Variants in PIBF1 observed in about 807,000 individuals in gnomAD.
The protein encoded by PIBF1 is progesterone immunomodulatory binding factor 1.
PIBF1 carries 90 observed loss-of-function variants against 112.5 expected under a neutral mutation model. The ratio of observed to expected loss-of-function variants is 0.80; its 90% CI spans 0.67 to 0.95. The LOEUF (loss-of-function observed/expected upper bound fraction) is 0.95, where lower values mean the gene tolerates loss of function less well. PIBF1 is among the 40% of genes least tolerant of loss of function. The pLI, the probability that PIBF1 is intolerant of heterozygous loss-of-function variation, is 0.00. For missense variants in PIBF1, 915 were observed against 852.3 expected (o/e 1.07, Z -0.92); for synonymous variants, 301 against 288.6 (o/e 1.04, Z -0.44).
chr13:72,892,456 A>T (rs998049480), intron 10 of PIBF1, among the ~76,000 whole-genome samples: 8 of 152,148 alleles, frequency 5.3e-5, no homozygotes, highest in Admixed American at 2.0e-4. Context: ...GACAGGAGTG[A>T]AATAGCCTTT....
At chr13:72,831,131 A>G (rs866293082) in intron 8 of PIBF1, among the ~76,000 whole-genome samples, 5 of 150,062 alleles carry the variant, frequency 3.3e-5, no homozygotes, top group Admixed American at 3.3e-4. Context: ...ATCATTTTTT[A>G]TTGTGTCTGT....
chr13:72,789,620 GA>G (rs763435889), intron 2 of PIBF1, among the ~76,000 whole-genome samples: 1 of 151,708 alleles, frequency 6.6e-6, no homozygotes, highest in Non-Finnish European at 1.5e-5. Flanking sequence ...GAAGTTAATT[GA>G]AATTATAAAC....
At chr13:72,923,176 C>A (rs2041358804) in intron 13 of PIBF1, among the ~76,000 whole-genome samples, 1 of 152,100 alleles carries the variant, frequency 6.6e-6, no homozygotes, top group South Asian at 2.1e-4. Flanking sequence ...ACTGAAGAAC[C>A]CAGAACAGAG....
rs1413087015 is a variant in PIBF1 at position 72,783,615 on chromosome 13, A to G, written c.146A>G (p.Gln49Arg). ...EREGKVRITR[Q>R]LIERKELLHN... ...GAGGGCAAAGTCAGAATCACCAGGC[A>G]GCTAATTGAACGAAAAGAACTACTT... The change falls in exon 2 of 18, where the codon CAG becomes CGG. Residue 49 changes from glutamine to arginine, a missense_variant. Coordinates refer to ENST00000326291, the MANE Select transcript of PIBF1 (RefSeq NM_006346.4). 1 of 1,614,110 alleles carries G rather than the reference A, an allele frequency of 6.2e-7. No homozygotes were observed. Among genetic ancestry groups the G allele is most frequent in the Non-Finnish European group, 8.5e-7 (1 of 1,179,954 alleles).
At chr13:72,940,836 T>C (rs560233868) in intron 14 of PIBF1, among the ~76,000 whole-genome samples, 7 of 152,326 alleles carry the variant, frequency 4.6e-5, no homozygotes, top group African/African-American at 1.7e-4. Flanking sequence ...CTTGCCCATG[T>C]TCACTTCAGA....
chr13:72,868,234 A>C (rs1017090605), intron 10 of PIBF1, among the ~76,000 whole-genome samples: 14 of 152,004 alleles, frequency 9.2e-5, no homozygotes, highest in African/African-American at 3.4e-4. Flanking sequence ...CTTGGACTTT[A>C]AGGCTGCACT....
At chr13:72,988,107 C>T (rs571920944) in intron 16 of PIBF1, among the ~76,000 whole-genome samples, 3 of 151,720 alleles carry the variant, frequency 2.0e-5, no homozygotes, top group South Asian at 2.1e-4. Context: ...GTGATCCACC[C>T]GCCTCTGCCT....
intron 14 of PIBF1, among the ~76,000 whole-genome samples, chr13:72,946,243 A>G (rs1471985491): frequency 6.6e-6 from 1 of 152,168 alleles, no homozygotes; most frequent in Non-Finnish European, 1.5e-5. Context: ...ACTGCCAAGC[A>G]AAGGGGGAAA....
intron 14 of PIBF1, among the ~76,000 whole-genome samples, chr13:72,947,422 G>C (rs987700574): frequency 6.6e-6 from 1 of 152,188 alleles, no homozygotes; most frequent in African/African-American, 2.4e-5. Flanking sequence ...TGGAGGGGCT[G>C]CTGTGAAGGT....
chr13:73,014,559 G>A (rs56138059), intron 17 of PIBF1, among the ~76,000 whole-genome samples: 55,185 of 152,016 alleles, frequency 0.36, 10,507 homozygotes, highest in Non-Finnish European at 0.43. Flanking sequence ...AATGTAAACT[G>A]TGGACCTAGG....
intron 14 of PIBF1, among the ~76,000 whole-genome samples, chr13:72,948,997 A>T (rs911634756): frequency 6.6e-6 from 1 of 152,204 alleles, no homozygotes; most frequent in African/African-American, 2.4e-5. Context: ...ATCAACAAGT[A>T]TATCAAAGAA....
Position 72,795,488 on chromosome 13 carries a change from G to C in PIBF1, c.483G>C (p.Leu161Phe). Residue 161 changes from leucine to phenylalanine, a missense_variant, in exon 4 of 18, where the codon TTG becomes TTC. By Grantham distance (22) the Leu-to-Phe change is conservative. Coordinates refer to ENST00000326291, the MANE Select transcript of PIBF1 (RefSeq NM_006346.4). Reference sequence around the variant, plus strand: ...GTCGAAACCTGCGTGACTTTGAGTTGACAGAAGAGCAATATATTAAATTAA... The same window carrying C: ...GTCGAAACCTGCGTGACTTTGAGTTCACAGAAGAGCAATATATTAAATTAA... Reference protein sequence around the residue: ...DVRRNLRDFELTEEQYIKLKA... With the variant: ...DVRRNLRDFEFTEEQYIKLKA... 1 of 1,609,852 alleles carries C rather than the reference G, an allele frequency of 6.2e-7. No homozygotes were observed.
At chr13:72,924,428 C>T (rs2041409322) in intron 13 of PIBF1, among the ~76,000 whole-genome samples, 1 of 151,964 alleles carries the variant, frequency 6.6e-6, no homozygotes, top group African/African-American at 2.4e-5. Context: ...AAGATCAGTC[C>T]AGAGGTACTT....
rs200335659 is a variant in PIBF1 at position 72,855,394 on chromosome 13, C to CG, written c.1322+1242dup. Reference sequence around the variant, plus strand: ...TGTCTTATTCTAAATATCATGCTATCGGGCTAGGCACTGGAAGGCTGAGGC... The same window carrying CG: ...TGTCTTATTCTAAATATCATGCTATCGGGGCTAGGCACTGGAAGGCTGAGGC... On this transcript the variant is annotated intron_variant, in intron 10 of 17. Transcript: ENST00000326291. Among the ~76,000 whole-genome samples, 58 of 152,184 alleles carry CG rather than the reference C, an allele frequency of 3.8e-4. No individual in the cohort carries two copies. In the East Asian group the frequency reaches 6.0e-3, roughly 16 times the overall value.
chr13:72,791,522 C>T (rs889677620), intron 2 of PIBF1, among the ~76,000 whole-genome samples: 1 of 152,222 alleles, frequency 6.6e-6, no homozygotes. Flanking sequence ...TCCTTTTAAG[C>T]TAATGACAAA....
intron 16 of PIBF1, among the ~76,000 whole-genome samples, chr13:72,980,888 G>A (rs982119112): frequency 1.3e-5 from 2 of 152,002 alleles, no homozygotes; most frequent in African/African-American, 4.8e-5. Flanking sequence ...GTGAAAAATA[G>A]GCAATCCTTA....
chr13:72,961,509 A>G (rs981656516), intron 14 of PIBF1, among the ~76,000 whole-genome samples: 1 of 152,210 alleles, frequency 6.6e-6, no homozygotes, highest in African/African-American at 2.4e-5. Flanking sequence ...TAAATCTTTA[A>G]TGGAACTTTT....
rs1566444095 is a variant in PIBF1, at chr13:72,916,416, T to TA, written c.1640-660_1640-659insA. Among the ~76,000 whole-genome samples the TA allele has an allele frequency of 5.1e-4, 61 of 119,274 alleles. No individual in the cohort carries two copies. The East Asian group carries it at 7.7e-3, about 15-fold the overall frequency. 78.2% of individuals were successfully genotyped at this position (119,274 alleles called of 152,430 possible). ...TCAAAAAATATATATATATATATAT[T>TA]TTTTTAATCCCAACTTGCAGTAAAA... On this transcript the variant is annotated intron_variant, in intron 12 of 17. Transcript: ENST00000326291.
chr13:72,804,563 AAG>A (rs1369715340), intron 5 of PIBF1, among the ~76,000 whole-genome samples: 2 of 152,130 alleles, frequency 1.3e-5, no homozygotes, highest in Non-Finnish European at 2.9e-5. Context: ...GGGAGGGAGA[AAG>A]AGAGTGGCCT....
Sources: gnomAD v4.1 joint callset for allele counts (sites outside exome capture counted in the v4.1 genomes callset) on GRCh38, gnomAD v4.1.1 for gene constraint, MANE v1.5 for transcripts, NCBI Gene and HGNC (gene_info 2026-07-23, HGNC 2026-07-21) for gene names.